The following FBXW10B variants were observed in gnomAD, a reference collection of about 807,000 sequenced individuals.
FBXW10B encodes the protein F-box and WD repeat domain containing protein 10B.
chr17:15,598,328 T>C, the FBXW10B span: 2 of 615,896 alleles, frequency 3.2e-6, no homozygotes, highest in Non-Finnish European at 2.0e-6. Flanking sequence ...TGGCTTGCTG[T>C]AGGTATTCTA....
the FBXW10B span, among the ~76,000 whole-genome samples, chr17:15,586,521 T>C: frequency 1.3e-5 from 2 of 151,810 alleles, no homozygotes; most frequent in Admixed American, 6.6e-5. Context: ...TTTATTTTGG[T>C]ACAAAAAATT....
the FBXW10B span, among the ~76,000 whole-genome samples, chr17:15,599,153 A>G: frequency 6.9e-6 from 1 of 143,990 alleles, no homozygotes; most frequent in Non-Finnish European, 1.5e-5. Context: ...CCAGCTTGCC[A>G]ATAGAGCGAG....
chr17:15,576,017 T>G, the FBXW10B span, among the ~76,000 whole-genome samples: 2 of 152,352 alleles, frequency 1.3e-5, 1 homozygote, highest in Non-Finnish European at 2.9e-5. Flanking sequence ...TTACCAAGTC[T>G]TAATTTCGCT....
chr17:15,582,082 GTA>G, the FBXW10B span, among the ~76,000 whole-genome samples: 1 of 151,592 alleles, frequency 6.6e-6, no homozygotes, highest in Non-Finnish European at 1.5e-5. Context: ...ACTCAGGTGT[GTA>G]TGTGTGTGTG....
At chr17:15,613,528 T>G in the FBXW10B span, 1 of 1,108,276 alleles carries the variant, frequency 9.0e-7, no homozygotes, top group Non-Finnish European at 1.2e-6. Flanking sequence ...CAGCTAAGGG[T>G]TTACTGAAAG....
At chr17:15,587,054 G>A in the FBXW10B span, among the ~76,000 whole-genome samples, 4,111 of 151,636 alleles carry the variant, frequency 0.027, 324 homozygotes, top group African/African-American at 0.089. Flanking sequence ...TATAAGGAAC[G>A]AAAGTGGAAA....
At chr17:15,577,719 T>C in the FBXW10B span, among the ~76,000 whole-genome samples, 4 of 152,334 alleles carry the variant, frequency 2.6e-5, no homozygotes, top group South Asian at 2.1e-4. Flanking sequence ...TAAATGCTGT[T>C]TTCATTGGTT....
chr17:15,608,952 TCCTG>T, the FBXW10B span, among the ~76,000 whole-genome samples: 12 of 151,816 alleles, frequency 7.9e-5, no homozygotes, highest in African/African-American at 2.7e-4. Flanking sequence ...TTTATTTCCT[TCCTG>T]CCTGCCTGCC....
At chr17:15,569,861 C>G in the FBXW10B span, among the ~76,000 whole-genome samples, 2 of 152,158 alleles carry the variant, frequency 1.3e-5, no homozygotes, top group Admixed American at 1.3e-4. Context: ...AGGCATGAGC[C>G]ACCATGTATG....
chr17:15,565,544 C>A, the FBXW10B span: 3 of 1,613,062 alleles, frequency 1.9e-6, no homozygotes, highest in South Asian at 2.2e-5. Flanking sequence ...TAGATAAATA[C>A]ATTTTGTCCA....
chr17:15,606,488 C>T, the FBXW10B span, among the ~76,000 whole-genome samples: 1 of 150,030 alleles, frequency 6.7e-6, no homozygotes, highest in African/African-American at 2.5e-5. Flanking sequence ...GATTGCACCA[C>T]TGCAGCCCAG....
the FBXW10B span, among the ~76,000 whole-genome samples, chr17:15,600,771 C>T: frequency 6.6e-6 from 1 of 151,998 alleles, no homozygotes. Context: ...TATTGTCGGC[C>T]GGGCGCGGTG....
chr17:15,573,828 A>C, the FBXW10B span: 1 of 316,070 alleles, frequency 3.2e-6, no homozygotes. Context: ...TTTGCATTTT[A>C]AGCAACATAG....
the FBXW10B span, among the ~76,000 whole-genome samples, chr17:15,587,168 T>C: frequency 6.6e-6 from 1 of 151,186 alleles, no homozygotes; most frequent in South Asian, 2.1e-4. Flanking sequence ...AGTAGGTTAT[T>C]GAGCAGATCC....
At chr17:15,612,886 G>T in the FBXW10B span, 1 of 1,574,280 alleles carries the variant, frequency 6.4e-7, no homozygotes, top group Non-Finnish European at 8.6e-7. Context: ...CTCCAACTCT[G>T]CAGGAGGAAG....
chr17:15,589,547 T>C, the FBXW10B span, among the ~76,000 whole-genome samples: 1 of 151,656 alleles, frequency 6.6e-6, no homozygotes, highest in South Asian at 2.1e-4. Context: ...CTAATTTATT[T>C]TTATATGATT....
chr17:15,615,617 T>C, the FBXW10B span: 5 of 1,613,480 alleles, frequency 3.1e-6, no homozygotes, highest in Admixed American at 1.7e-5. Flanking sequence ...CTAGCCCATA[T>C]TGGCTTTCTT....
At chr17:15,609,513 T>C in the FBXW10B span, among the ~76,000 whole-genome samples, 6 of 151,272 alleles carry the variant, frequency 4.0e-5, no homozygotes, top group Non-Finnish European at 8.8e-5. Flanking sequence ...GGTGGAGTCA[T>C]TGGGAAGGGA....
the FBXW10B span, among the ~76,000 whole-genome samples, chr17:15,612,038 T>C: frequency 6.6e-6 from 1 of 152,194 alleles, no homozygotes; most frequent in East Asian, 1.9e-4. Context: ...CAGCAGATGC[T>C]GGATCCTCCA....
Sources: allele counts gnomAD v4.1 joint callset (sites outside exome capture counted in the v4.1 genomes callset), GRCh38; gene constraint gnomAD v4.1.1; transcripts MANE v1.5; gene names NCBI Gene and HGNC (gene_info 2026-07-23, HGNC 2026-07-21).